Variants in ARNT2 observed in about 807,000 individuals in gnomAD.
The protein encoded by ARNT2 is aryl hydrocarbon receptor nuclear translocator 2.
Under a neutral mutation model 91.7 loss-of-function variants are expected in ARNT2, and 36 were observed. The observed-to-expected ratio is 0.39, with a 90% confidence interval of 0.30 to 0.52. The LOEUF (loss-of-function observed/expected upper bound fraction) is 0.52. ARNT2 is among the 20% of genes least tolerant of loss of function. The pLI, the probability that ARNT2 is intolerant of heterozygous loss-of-function variation, is 0.72. For synonymous variants in ARNT2, 365 were observed against 347.1 expected (o/e 1.05, Z -0.57); for missense variants, 775 against 939.3 (o/e 0.83, Z 2.29).
intron 11 of ARNT2, among the ~76,000 whole-genome samples, chr15:80,561,259 T>A (rs113743913): frequency 0.017 from 2,622 of 152,212 alleles, 39 homozygotes; most frequent in East Asian, 0.064. Context: ...GGTCACATTG[T>A]GATCTCTCAG....
At chr15:80,583,991 G>C (rs1039082206) in intron 17 of ARNT2, among the ~76,000 whole-genome samples, 1 of 152,254 alleles carries the variant, frequency 6.6e-6, no homozygotes, top group Non-Finnish European at 1.5e-5. Context: ...TTATGGCCTT[G>C]CCATCAGTGC....
chr15:80,407,327 T>C (rs1895615468), intron 1 of ARNT2, among the ~76,000 whole-genome samples: 1 of 152,204 alleles, frequency 6.6e-6, no homozygotes, highest in Admixed American at 6.5e-5. Context: ...TCTAGGGTCT[T>C]GTTGGTGACC....
chr15:80,421,772 T>G (rs1895864947), intron 1 of ARNT2, among the ~76,000 whole-genome samples: 1 of 152,196 alleles, frequency 6.6e-6, no homozygotes, highest in Non-Finnish European at 1.5e-5. Context: ...CTTATGCAGC[T>G]CAGGAAAATT....
At chr15:80,462,952 T>A (rs1595973580) in intron 3 of ARNT2, among the ~76,000 whole-genome samples, 4 of 152,226 alleles carry the variant, frequency 2.6e-5, no homozygotes, top group Admixed American at 2.6e-4. Flanking sequence ...GCTTTATAGG[T>A]TGTGGTGATG....
intron 1 of ARNT2, among the ~76,000 whole-genome samples, chr15:80,426,371 T>C (rs1223276724): frequency 2.6e-5 from 4 of 152,230 alleles, no homozygotes; most frequent in South Asian, 4.1e-4. Context: ...TGTTGGTCCC[T>C]GTATTTCTTG....
At chr15:80,476,212 A>G (rs571286457) in intron 5 of ARNT2, among the ~76,000 whole-genome samples, 1 of 152,236 alleles carries the variant, frequency 6.6e-6, no homozygotes, top group African/African-American at 2.4e-5. Flanking sequence ...GAGGACAGTC[A>G]TGTGAAATCA....
intron 1 of ARNT2, among the ~76,000 whole-genome samples, chr15:80,449,386 A>C (rs1896354228): frequency 6.6e-6 from 1 of 152,220 alleles, no homozygotes; most frequent in African/African-American, 2.4e-5. Context: ...TCCATTTCAG[A>C]AAAATATAAA....
rs1186065183 is a variant in ARNT2, at chr15:80,408,629, G to A, written c.31+4083G>A. 2.6e-5 allele frequency among the ~76,000 whole-genome samples: 4 copies of A among 152,296 alleles called. No individual in the cohort carries two copies. In the East Asian group the frequency reaches 5.8e-4, roughly 22 times the overall value. ...TGAGACGTGTGCGCTATGCTTGCAAGCTGTCCTGCCTTGAGTAGGGCTGGA... is the reference window on the plus strand; with the variant it reads ...TGAGACGTGTGCGCTATGCTTGCAAACTGTCCTGCCTTGAGTAGGGCTGGA... On this transcript the variant is annotated intron_variant, in intron 1 of 18. Transcript: ENST00000303329.
rs530634779 is a variant in ARNT2 at position 80,412,963 on chromosome 15, C to A, written c.31+8417C>A. 3.4e-4 allele frequency among the ~76,000 whole-genome samples: 52 copies of A among 152,352 alleles called. 1 individual carries two copies. In the South Asian group the frequency reaches 9.7e-3, roughly 29 times the overall value. On this transcript the variant is annotated intron_variant, in intron 1 of 18. Coordinates refer to ENST00000303329, the MANE Select transcript of ARNT2 (RefSeq NM_014862.4). ...GCCCCCTATCCTTGGCAGGTTCCGG[C>A]AACCCAGGCCAGGCCCTGTTGCCTG...
Position 80,591,713 on chromosome 15 carries a change from A to T in ARNT2, c.2055+9A>T. 6.2e-7 allele frequency: 1 copy of T among 1,613,712 alleles called. No individual in the cohort carries two copies. Among genetic ancestry groups the T allele is most frequent in the Non-Finnish European group, 8.5e-7 (1 of 1,179,756 alleles). ...AGACTGAAGTGTTCCAGGTAAATCG[A>T]GCGAGCACCGCCTTCTCGTAGGTAC... On this transcript the variant is annotated intron_variant, in intron 18 of 18. Coordinates refer to ENST00000303329, the MANE Select transcript of ARNT2 (RefSeq NM_014862.4). This position sits in a 1 kb window ranked among gnomAD's most constrained non-coding sequence, Gnocchi z 5.1.
intron 1 of ARNT2, among the ~76,000 whole-genome samples, chr15:80,424,252 G>C (rs1216949941): frequency 6.6e-6 from 1 of 152,196 alleles, no homozygotes; most frequent in East Asian, 1.9e-4. Flanking sequence ...CCTCAGGCAG[G>C]GTTCTCTGGG....
chr15:80,441,478 A>AC (rs1298230176), intron 1 of ARNT2: 12 of 814,492 alleles, frequency 1.5e-5, no homozygotes, highest in African/African-American at 1.9e-5. Context: ...GCCTGCCCTC[A>AC]CCCCCCTCCC....
chr15:80,423,963 C>G (rs1320658986), intron 1 of ARNT2, among the ~76,000 whole-genome samples: 1 of 152,226 alleles, frequency 6.6e-6, no homozygotes, highest in Non-Finnish European at 1.5e-5. Context: ...ACTTAAGGCA[C>G]TGTTTCTCTT....
chr15:80,549,751 G>A (rs1269715403), intron 8 of ARNT2, among the ~76,000 whole-genome samples: 1 of 152,126 alleles, frequency 6.6e-6, no homozygotes. Flanking sequence ...TACATTCCTG[G>A]TGGGAATGCA....
intron 6 of ARNT2, among the ~76,000 whole-genome samples, chr15:80,509,358 C>A (rs1379760998): frequency 1.3e-5 from 2 of 152,072 alleles, no homozygotes; most frequent in Non-Finnish European, 2.9e-5. Context: ...GAGATGATCG[C>A]TTGAACCCAG....
chr15:80,523,663 G>A (rs887424249), intron 8 of ARNT2, among the ~76,000 whole-genome samples: 1 of 152,124 alleles, frequency 6.6e-6, no homozygotes, highest in Admixed American at 6.5e-5. Context: ...GATATCACAT[G>A]GTAAATGCCT....
intron 12 of ARNT2, among the ~76,000 whole-genome samples, chr15:80,568,074 A>C (rs1198708549): frequency 2.0e-5 from 3 of 152,188 alleles, no homozygotes; most frequent in Non-Finnish European, 4.4e-5. Flanking sequence ...TTAATGTTGA[A>C]CATTTGTGTA....
rs191597486 is a variant in ARNT2 at position 80,524,626 on chromosome 15, T to C, written c.877+10221T>C. Among the ~76,000 whole-genome samples the C allele has an allele frequency of 3.3e-3, 500 of 152,208 alleles. 3 individuals are homozygous for C. The highest frequency in any genetic ancestry group is 4.9e-3 in the Non-Finnish European group (332 of 67,984). ...GCGCAGTGGCTCACACCTGTAATCC[T>C]AGCACTTTGGGAGGCCGAGGCGGGC... On this transcript the variant is annotated intron_variant, in intron 8 of 18. Transcript: ENST00000303329.
At chr15:80,580,271 T>G (rs1898766873) in intron 15 of ARNT2, 140 bp from the exon 16 acceptor site, 2 of 1,108,220 alleles carry the variant, frequency 1.8e-6, no homozygotes, top group African/African-American at 1.5e-5. Context: ...TCACGATGTG[T>G]GAGTCATTTT....
Sources: allele counts gnomAD v4.1 joint callset (sites outside exome capture counted in the v4.1 genomes callset), GRCh38; gene constraint gnomAD v4.1.1; non-coding constraint Gnocchi (gnomAD v3.1); transcripts MANE v1.5; gene names NCBI Gene and HGNC (gene_info 2026-07-23, HGNC 2026-07-21).